TP53BP1: variants seen among roughly 807,000 people sequenced by gnomAD.
The protein encoded by TP53BP1 is tumor protein p53 binding protein 1, also known as TP53-binding protein 1.
In TP53BP1, 61 loss-of-function variants were observed where a neutral mutation model predicts 200.8. The ratio of observed to expected loss-of-function variants is 0.30; its 90% CI spans 0.25 to 0.38. The LOEUF (loss-of-function observed/expected upper bound fraction) is 0.38, where lower values mean the gene tolerates loss of function less well. Ranked by LOEUF, TP53BP1 falls within the 10% of genes least tolerant of loss-of-function variation. TP53BP1 has a pLI of 1.00. For synonymous variants in TP53BP1, 822 were observed against 844.3 expected, an observed-to-expected ratio of 0.97 and a Z score of 0.46; for missense variants, 2,144 against 2,371.9, an observed-to-expected ratio of 0.90 and a Z score of 2.00.
rs1361992201 is a variant in TP53BP1, at chr15:43,421,892, C to A, written c.4063G>T (p.Ala1355Ser). 2 of 1,614,214 alleles carry A rather than the reference C, an allele frequency of 1.2e-6. No homozygotes were observed. Among genetic ancestry groups the A allele is most frequent in the Admixed American group, 3.3e-5 (2 of 60,030 alleles). Residue 1355 changes from alanine (A) to serine (S), a missense_variant, in exon 19 of 28, where the codon GCC becomes TCC. Around this residue, in one of 4 missense-constraint regions of TP53BP1, gnomAD observed 1,700 missense variants for 1,710.3 expected, o/e 0.99. Coordinates refer to ENST00000382044, the MANE Select transcript of TP53BP1 (RefSeq NM_001141980.3). ...KTSGTEPADF[A>S]LPSSRGGPGK... ...GGGCCTCCTCGGGAGCTGGGTAAGG[C>A]AAAATCTGCGGGTTCTGTCCCGCTG...
chr15:43,431,416 A>AT (rs201062076), intron 17 of TP53BP1, among the ~76,000 whole-genome samples: 270 of 149,720 alleles, frequency 1.8e-3, no homozygotes, highest in Non-Finnish European at 3.0e-3. Context: ...CATCTACTCA[A>AT]TTTTTTTTTT....
intron 4 of TP53BP1, among the ~76,000 whole-genome samples, chr15:43,482,003 G>A (rs748656623): frequency 1.3e-5 from 2 of 150,850 alleles, no homozygotes; most frequent in Non-Finnish European, 3.0e-5. Flanking sequence ...CAAGGAGGGC[G>A]CATCACGAGA....
chr15:43,405,334 C>A lies in TP53BP1; in HGVS notation c.*2049G>T. 1 of 1,140,250 alleles carries A rather than the reference C, an allele frequency of 8.8e-7. No individual in the cohort carries two copies. The highest frequency in any genetic ancestry group is 1.3e-6 in the Non-Finnish European group (1 of 771,668). 70.6% of individuals were successfully genotyped at this position (1,140,250 alleles called of 1,614,324 possible). ...TCTGCGGCTTAGTGATAGGACTCTACCTTTTCTCCTAGAAGCAGTTACTGA... is the reference window on the plus strand; with the variant it reads ...TCTGCGGCTTAGTGATAGGACTCTAACTTTTCTCCTAGAAGCAGTTACTGA... On this transcript the variant is annotated 3_prime_UTR_variant, in exon 28 of 28. Transcript: ENST00000382044.
Position 43,446,718 on chromosome 15 carries a change from G to A in TP53BP1, c.2837-128C>T, listed in dbSNP as rs968380207. On this transcript the variant is annotated intron_variant, in intron 13 of 27. Coordinates refer to ENST00000382044, the MANE Select transcript of TP53BP1 (RefSeq NM_001141980.3). ...CTGCAGGATTGAAGGAGGTTCCTAG[G>A]ATAGATCCCTGTCATAAGTATCAAC... 4 of 1,530,776 alleles carry A rather than the reference G, an allele frequency of 2.6e-6. No individual in the cohort carries two copies. In the African/African-American group the frequency reaches 5.5e-5, roughly 21 times the overall value. The allele number at this position is 1,530,776 out of a possible 1,614,324, so 94.8% of individuals were successfully genotyped here. A position where few individuals can be genotyped will look rare whatever the true frequency, so the allele number is the denominator to read the frequency against.
At chr15:43,455,811 C>A (rs2046279322) in intron 12 of TP53BP1, 81 bp downstream of exon 12, 2 of 1,500,520 alleles carry the variant, frequency 1.3e-6, no homozygotes, top group Non-Finnish European at 1.8e-6. Flanking sequence ...TCACTCCTGA[C>A]ATAAGCATGC....
Position 43,409,723 on chromosome 15 carries a change from G to A in TP53BP1, c.5324C>T (p.Pro1775Leu), listed in dbSNP as rs1415116232. ...GGATTCTGTATACTGCTTGTTGAAA[G>A]GAGGAATTTCCAAAAATTCTATATT... is the stretch of plus-strand genomic sequence containing the variant. The part of the protein sequence containing the change: ...EEEEEFLEIP[P>L]FNKQYTESQL... The change falls in exon 25 of 28, where the codon CCT becomes CTT. Residue 1775 changes from proline to leucine, a missense_variant. Pro to Leu is a moderately conservative substitution (Grantham distance 98). Transcript: ENST00000382044. 4 of 1,544,624 alleles carry A rather than the reference G, an allele frequency of 2.6e-6. No individual in the cohort carries two copies. The highest frequency in any genetic ancestry group is 3.5e-6 in the Non-Finnish European group (4 of 1,145,974).
At chr15:43,473,073 C>T (rs771525191) in intron 10 of TP53BP1, among the ~76,000 whole-genome samples, 6 of 152,034 alleles carry the variant, frequency 3.9e-5, no homozygotes, top group African/African-American at 1.4e-4. Flanking sequence ...TAAGGCAGCG[C>T]GTCTAGAGTT....
Position 43,404,737 on chromosome 15 carries a change from C to T in TP53BP1, c.*2646G>A. On this transcript the variant is annotated 3_prime_UTR_variant, in exon 28 of 28. Transcript: ENST00000382044. ...GTTATTTTCTAGTAGAAGTCATCAT[C>T]ATCATAAAATACTAAAAAACCTGAC... The T allele has an allele frequency of 1.5e-6, 1 of 660,686 alleles. No individual in the cohort carries two copies. The highest frequency in any genetic ancestry group is 2.5e-6 in the Non-Finnish European group (1 of 405,412). 40.9% of individuals were successfully genotyped at this position (660,686 alleles called of 1,614,324 possible). A position where few individuals can be genotyped will look rare whatever the true frequency, so the allele number is the denominator to read the frequency against.
rs768704764 is a variant in TP53BP1 at position 43,474,667 on chromosome 15, G to C, written c.1180+6C>G. 2.5e-6 allele frequency: 4 copies of C among 1,594,304 alleles called. No individual in the cohort carries two copies. The highest frequency in any genetic ancestry group is 3.4e-6 in the Non-Finnish European group (4 of 1,162,628). Reference sequence around the variant, plus strand: ...TGAGATCAACAGACAGATCAAGAGAGCTCACCTTGTCTCCCTTCTTGCTCT... The same window carrying C: ...TGAGATCAACAGACAGATCAAGAGACCTCACCTTGTCTCCCTTCTTGCTCT... On this transcript the variant is annotated splice_donor_region_variant and intron_variant, in intron 10 of 27. Coordinates refer to ENST00000382044, the MANE Select transcript of TP53BP1 (RefSeq NM_001141980.3).
intron 11 of TP53BP1, among the ~76,000 whole-genome samples, chr15:43,463,299 AG>A (rs2046483778): frequency 3.3e-5 from 5 of 152,230 alleles, no homozygotes; most frequent in Admixed American, 1.3e-4. Flanking sequence ...CAAGTTTATT[AG>A]GAAAGAAAGA....
chr15:43,501,927 G>A (rs967934086), intron 1 of TP53BP1, among the ~76,000 whole-genome samples: 9 of 152,134 alleles, frequency 5.9e-5, no homozygotes, highest in African/African-American at 2.2e-4. Context: ...GTGAACATTT[G>A]TTTTCATTTA....
In TP53BP1 at chr15:43,407,200, T is replaced by TGAA. The variant is rs2044929975; in HGVS notation, c.*180_*182dup. 4.2e-5 allele frequency: 25 copies of TGAA among 588,362 alleles called. No individual in the cohort carries two copies. The South Asian group carries it at 5.4e-4, about 13-fold the overall frequency. 36.4% of individuals were successfully genotyped at this position (588,362 alleles called of 1,614,324 possible). A position where few individuals can be genotyped will look rare whatever the true frequency, so the allele number is the denominator to read the frequency against. On this transcript the variant is annotated 3_prime_UTR_variant, in exon 28 of 28. Transcript: ENST00000382044. ...CTGAGATTAAGCTCAAAAAAACAGA[T>TGAA]GAAGAAATCCCAGTTACTACAACCA...
rs1455185717 is a variant in TP53BP1, at chr15:43,457,153, C to T, written c.1455G>A (p.Met485Ile). ...QSNDGKKDGDMHSSSLTVECS... is the reference protein window; with the variant it reads ...QSNDGKKDGDIHSSSLTVECS... ...ACTCAACTGTCAAAGATGAACTATGCATATCTCCATCTTTCTTCCCATCAT... is the reference window on the plus strand; with the variant it reads ...ACTCAACTGTCAAAGATGAACTATGTATATCTCCATCTTTCTTCCCATCAT... The change falls in exon 12 of 28, where the codon ATG becomes ATA. Residue 485 changes from methionine (M) to isoleucine (I), a missense_variant. By Grantham distance (10) the Met-to-Ile change is conservative. Transcript: ENST00000382044. 6.2e-7 allele frequency: 1 copy of T among 1,612,738 alleles called. No individual in the cohort carries two copies. Among genetic ancestry groups the T allele is most frequent in the Non-Finnish European group, 8.5e-7 (1 of 1,179,074 alleles).
At chr15:43,489,382 C>G (rs1055157665) in intron 4 of TP53BP1, among the ~76,000 whole-genome samples, 3 of 152,184 alleles carry the variant, frequency 2.0e-5, no homozygotes, top group Admixed American at 6.5e-5. Context: ...CCCACTGGCT[C>G]AAACCAGGAT....
chr15:43,464,615 G>GA (rs1296816715), intron 11 of TP53BP1, among the ~76,000 whole-genome samples: 1 of 152,070 alleles, frequency 6.6e-6, no homozygotes, highest in Non-Finnish European at 1.5e-5. Flanking sequence ...CAATAAAAAG[G>GA]AATGAAGGCC....
In TP53BP1 at chr15:43,408,895, A is replaced by G; in HGVS notation, c.5600+2T>C. On this transcript the variant is annotated splice_donor_variant, in intron 26 of 27. Coordinates refer to ENST00000382044, the MANE Select transcript of TP53BP1 (RefSeq NM_001141980.3). LOFTEE classifies it high-confidence loss of function. ...AATTCTGGATGGGCTTCAAATACTT[A>G]CCAGTCCAGAATTCTTTGCTCCTCA... 6.2e-7 allele frequency: 1 copy of G among 1,614,028 alleles called. No homozygotes were observed. The highest frequency in any genetic ancestry group is 8.5e-7 in the Non-Finnish European group (1 of 1,179,938).
In TP53BP1 at chr15:43,407,289, C is replaced by G; in HGVS notation, c.*94G>C. On this transcript the variant is annotated 3_prime_UTR_variant, in exon 28 of 28. Coordinates refer to ENST00000382044, the MANE Select transcript of TP53BP1 (RefSeq NM_001141980.3). ...AATAAAACTATATACAAGATCCATG[C>G]AAGGAATCCAGTTACACACAAGACA... The G allele has an allele frequency of 1.9e-6, 2 of 1,050,030 alleles. No homozygotes were observed. Among genetic ancestry groups the G allele is most frequent in the Non-Finnish European group, 2.8e-6 (2 of 702,442 alleles). The allele number at this position is 1,050,030 out of a possible 1,614,324, so 65.0% of individuals were successfully genotyped here.
At chr15:43,504,203 G>A (rs1035750266) in intron 1 of TP53BP1, among the ~76,000 whole-genome samples, 10 of 152,148 alleles carry the variant, frequency 6.6e-5, no homozygotes, top group Non-Finnish European at 1.5e-4. Context: ...GAGCGCACTG[G>A]CACGATCACA....
intron 18 of TP53BP1, among the ~76,000 whole-genome samples, chr15:43,425,607 G>A (rs769460158): frequency 4.6e-5 from 7 of 152,166 alleles, no homozygotes; most frequent in Non-Finnish European, 7.3e-5. Flanking sequence ...GCAAAAGAGC[G>A]AGACCCTGTC....
Sources: allele counts gnomAD v4.1 joint callset (sites outside exome capture counted in the v4.1 genomes callset), GRCh38; gene constraint gnomAD v4.1.1; regional missense constraint gnomAD v4.1.1; transcripts MANE v1.5; gene names NCBI Gene and HGNC (gene_info 2026-07-23, HGNC 2026-07-21).